The following STIM1 variants were observed in gnomAD, a reference collection of about 807,000 sequenced individuals.
The protein encoded by STIM1 is stromal interaction molecule 1.
STIM1 carries 25 observed loss-of-function variants against 74.7 expected under a neutral mutation model. The ratio of observed to expected loss-of-function variants is 0.33; its 90% CI spans 0.24 to 0.47. STIM1 has a LOEUF of 0.47. Ranked by LOEUF, STIM1 falls within the 20% of genes least tolerant of loss-of-function variation. STIM1 has a pLI of 1.00. For missense variants in STIM1, 728 were observed against 920.8 expected, an observed-to-expected ratio of 0.79 and a Z score of 2.71; for synonymous variants, 328 against 348.8, an observed-to-expected ratio of 0.94 and a Z score of 0.66.
chr11:3,883,429 C>T (rs963802108), intron 1 of STIM1, among the ~76,000 whole-genome samples: 1 of 152,212 alleles, frequency 6.6e-6, no homozygotes, highest in African/African-American at 2.4e-5. Context: ...GATCTTGGCT[C>T]ACTGCAACCT....
At chr11:4,061,494 A>G (rs1038150557) in intron 5 of STIM1, among the ~76,000 whole-genome samples, 1 of 152,104 alleles carries the variant, frequency 6.6e-6, no homozygotes, top group African/African-American at 2.4e-5. Flanking sequence ...AAAATGGAAA[A>G]CTTGTGTTGG....
At chr11:3,858,631 G>T (rs1028394754) in intron 1 of STIM1, among the ~76,000 whole-genome samples, 10 of 152,294 alleles carry the variant, frequency 6.6e-5, no homozygotes, top group Non-Finnish European at 1.0e-4. Flanking sequence ...AGTTTGGAGA[G>T]AAACTTTCTA....
Position 3,899,425 on chromosome 11 carries a change from A to G in STIM1, c.139+43016A>G, listed in dbSNP as rs1411086005. 8.5e-5 allele frequency among the ~76,000 whole-genome samples: 13 copies of G among 152,222 alleles called. 1 individual carries two copies. The highest frequency in any genetic ancestry group is 4.1e-4 in the South Asian group (2 of 4,828). On this transcript the variant is annotated intron_variant, in intron 1 of 12. Transcript: ENST00000526596. ...CTTAAGGAGATTTTGGGCTGAGACA[A>G]TGGGGTTTTCTAGATATACAATCAT...
intron 2 of STIM1, 22 bp from the exon 3 acceptor site, chr11:4,023,851 C>G: frequency 1.9e-6 from 3 of 1,598,166 alleles, no homozygotes; most frequent in Non-Finnish European, 2.6e-6. Flanking sequence ...TCTCTTGTGA[C>G]TTGTGTACTT....
At chr11:3,932,666 G>GAAAAAAAAAAA (rs57059104) in intron 1 of STIM1, among the ~76,000 whole-genome samples, 8 of 86,946 alleles carry the variant, frequency 9.2e-5, no homozygotes, top group Non-Finnish European at 1.1e-4. Flanking sequence ...TGTCTCAAAG[G>GAAAAAAAAAAA]AAAAAAAAAA....
At chr11:3,895,614 C>CTCTTTCTTTCTTTCTTTCTT (rs1565104490) in intron 1 of STIM1, among the ~76,000 whole-genome samples, 2 of 62,406 alleles carry the variant, frequency 3.2e-5, no homozygotes, top group African/African-American at 1.7e-4. Context: ...CTCTCTCTTT[C>CTCTTTCTTTCTTTCTTTCTT]TTTCTTTCTT....
intron 3 of STIM1, among the ~76,000 whole-genome samples, chr11:4,036,075 G>T (rs1459360538): frequency 6.6e-6 from 1 of 151,958 alleles, no homozygotes; most frequent in Non-Finnish European, 1.5e-5. Context: ...TCTCATCGTT[G>T]AGCTCTCACT....
intron 1 of STIM1, among the ~76,000 whole-genome samples, chr11:3,878,615 T>G (rs2091384460): frequency 6.6e-6 from 1 of 152,226 alleles, no homozygotes; most frequent in African/African-American, 2.4e-5. Context: ...CAGAATGTGT[T>G]CCCTTGATGT....
chr11:4,014,921 C>T (rs558776073), intron 2 of STIM1, among the ~76,000 whole-genome samples: 2 of 152,268 alleles, frequency 1.3e-5, no homozygotes, highest in Non-Finnish European at 2.9e-5. Flanking sequence ...TCCTCTATCC[C>T]TTTATTTTGA....
chr11:3,989,671 A>G (rs954404349), intron 2 of STIM1, among the ~76,000 whole-genome samples: 1 of 152,260 alleles, frequency 6.6e-6, no homozygotes, highest in African/African-American at 2.4e-5. Flanking sequence ...TGAAATTTAT[A>G]TGAAATTGAA....
chr11:3,896,245 GA>G (rs2092171521), intron 1 of STIM1, among the ~76,000 whole-genome samples: 1 of 152,236 alleles, frequency 6.6e-6, no homozygotes, highest in Admixed American at 6.5e-5. Context: ...GGGACAAGGG[GA>G]AAGGAGAATG....
chr11:3,971,109 C>CTGACACCTATAA (rs1290236439), intron 2 of STIM1, among the ~76,000 whole-genome samples: 1 of 152,030 alleles, frequency 6.6e-6, no homozygotes, highest in African/African-American at 2.4e-5. Flanking sequence ...GGTGTGGTGG[C>CTGACACCTATAA]TGACACCTAT....
chr11:4,087,000 C>T, intron 12 of STIM1: 1 of 1,274,308 alleles, frequency 7.8e-7, no homozygotes, highest in Non-Finnish European at 1.0e-6. Context: ...TTGTTCCCAG[C>T]TCTGGGATTC....
chr11:3,876,819 A>G (rs938737618), intron 1 of STIM1, among the ~76,000 whole-genome samples: 2 of 152,220 alleles, frequency 1.3e-5, no homozygotes, highest in Non-Finnish European at 1.5e-5. Context: ...TGAAAACCCC[A>G]TAAAGATAGG....
At chr11:3,997,357 A>C (rs1441200509) in intron 2 of STIM1, among the ~76,000 whole-genome samples, 1 of 152,210 alleles carries the variant, frequency 6.6e-6, no homozygotes, top group African/African-American at 2.4e-5. Context: ...GGACACTATA[A>C]TTTATTAAGT....
chr11:3,856,282 C>T lies in STIM1; in HGVS notation c.12C>T (p.Cys4=), dbSNP rs752778021. The change falls in exon 1 of 13, where the codon TGC becomes TGT. Residue 4 remains cysteine (C), a synonymous_variant. Transcript: ENST00000526596. ...TGAGACCTAGAGTCATGGATGTATGCGTCCGTCTTGCCCTGTGGCTCCTCT... is the reference window on the plus strand; with the variant it reads ...TGAGACCTAGAGTCATGGATGTATGTGTCCGTCTTGCCCTGTGGCTCCTCT... MDV[C]VRLALWLLWG... is the part of the protein sequence containing the mutation. 1 of 1,614,142 alleles carries T rather than the reference C, an allele frequency of 6.2e-7. No individual in the cohort carries two copies. The highest frequency in any genetic ancestry group is 8.5e-7 in the Non-Finnish European group (1 of 1,180,034).
At position 4,082,950 on chromosome 11, in the gene STIM1, G is replaced by C. The variant is rs760051786; in HGVS notation, c.1206G>C (p.Leu402=). The C allele has an allele frequency of 6.2e-7, 1 of 1,614,066 alleles. No individual in the cohort carries two copies. Among genetic ancestry groups the C allele is most frequent in the Non-Finnish European group, 8.5e-7 (1 of 1,179,972 alleles). Residue 402 remains leucine, a synonymous_variant, in exon 9 of 13, where the codon CTG becomes CTC. Transcript: ENST00000526596. ...GTFHVAHSSS[L]DDVDHKILTA... is the part of the protein sequence containing the mutation. Reference sequence around the variant, plus strand: ...TCCACGTGGCCCACAGCTCTTCCCTGGATGATGTAGATCATAAAATTCTAA... The same window carrying C: ...TCCACGTGGCCCACAGCTCTTCCCTCGATGATGTAGATCATAAAATTCTAA...
At chr11:3,931,954 TA>T (rs987523497) in intron 1 of STIM1, among the ~76,000 whole-genome samples, 1 of 152,060 alleles carries the variant, frequency 6.6e-6, no homozygotes, top group African/African-American at 2.4e-5. Flanking sequence ...ATGAGGCCAT[TA>T]AGAGGAGGGT....
At chr11:4,078,099 T>TA (rs914884760) in intron 7 of STIM1, among the ~76,000 whole-genome samples, 2 of 152,160 alleles carry the variant, frequency 1.3e-5, no homozygotes, top group Non-Finnish European at 2.9e-5. Flanking sequence ...ACAGTGTGTA[T>TA]AAAAAAACAA....
Sources: allele counts gnomAD v4.1 joint callset (sites outside exome capture counted in the v4.1 genomes callset), GRCh38; gene constraint gnomAD v4.1.1; transcripts MANE v1.5; gene names NCBI Gene and HGNC (gene_info 2026-07-23, HGNC 2026-07-21).